Variants in SYN3 observed in about 807,000 individuals in gnomAD.
SYN3 encodes the protein synapsin III.
A neutral mutation model predicts 65.8 loss-of-function variants in SYN3; 35 were observed. The ratio of observed to expected loss-of-function variants is 0.53; its 90% CI spans 0.41 to 0.70. SYN3 has a LOEUF of 0.70. SYN3 is among the 30% of genes least tolerant of loss of function. The pLI is 0.00. For missense variants in SYN3, 680 were observed against 749.0 expected, an observed-to-expected ratio of 0.91 and a Z score of 1.08; for synonymous variants, 270 against 292.9, an observed-to-expected ratio of 0.92 and a Z score of 0.80.
At chr22:32,595,079 T>C (rs2059180294) in intron 7 of SYN3, among the ~76,000 whole-genome samples, 2 of 152,146 alleles carry the variant, frequency 1.3e-5, no homozygotes, top group Admixed American at 1.3e-4. Flanking sequence ...AGGCAAACTG[T>C]GGGAGACCCC....
chr22:32,711,948 A>C (rs955985169), intron 6 of SYN3, among the ~76,000 whole-genome samples: 2 of 152,210 alleles, frequency 1.3e-5, no homozygotes, highest in Non-Finnish European at 2.9e-5. Context: ...TCTTAACCTC[A>C]GTTTGACAAC....
At chr22:33,053,609 C>G (rs1257270875) in intron 1 of SYN3, among the ~76,000 whole-genome samples, 1 of 152,094 alleles carries the variant, frequency 6.6e-6, no homozygotes, top group Non-Finnish European at 1.5e-5. Flanking sequence ...ATGCCAGGAA[C>G]CTGGGAGGAA....
chr22:32,679,871 T>C (rs1409145746), intron 6 of SYN3, among the ~76,000 whole-genome samples: 2 of 134,118 alleles, frequency 1.5e-5, no homozygotes, highest in African/African-American at 5.7e-5. Flanking sequence ...TATTGAGTTT[T>C]AGGAATTCCT....
At chr22:32,933,855 G>C (rs1417357797) in intron 3 of SYN3, among the ~76,000 whole-genome samples, 1 of 152,146 alleles carries the variant, frequency 6.6e-6, no homozygotes, top group Non-Finnish European at 1.5e-5. Context: ...AAAGAAAAAA[G>C]TTTACATTGA....
intron 6 of SYN3, among the ~76,000 whole-genome samples, chr22:32,766,942 G>A (rs188059292): frequency 8.5e-5 from 13 of 152,318 alleles, no homozygotes; most frequent in Middle Eastern, 3.4e-3. Flanking sequence ...CTGATAGACA[G>A]TTGGGTATCC....
chr22:32,914,408 T>G lies in SYN3; in HGVS notation c.461+16982A>C, dbSNP rs1337421176. Reference sequence around the variant, plus strand: ...TGACTCAGTTTCCCCATCTGTAATATGGGGATAGTAACAGGCCCTATCATG... The same window carrying G: ...TGACTCAGTTTCCCCATCTGTAATAGGGGGATAGTAACAGGCCCTATCATG... On this transcript the variant is annotated intron_variant, in intron 4 of 13. Coordinates refer to ENST00000358763, the MANE Select transcript of SYN3 (RefSeq NM_003490.4). 4.0e-5 allele frequency among the ~76,000 whole-genome samples: 6 copies of G among 151,610 alleles called. No individual in the cohort carries two copies. The East Asian group carries it at 5.9e-4, about 15-fold the overall frequency.
At chr22:32,844,513 A>G (rs909962690) in intron 6 of SYN3, among the ~76,000 whole-genome samples, 1 of 152,220 alleles carries the variant, frequency 6.6e-6, no homozygotes, top group African/African-American at 2.4e-5. Context: ...CAAAGGAAGC[A>G]AAGACAGTTC....
At chr22:32,968,583 C>G (rs2051918895) in intron 3 of SYN3, among the ~76,000 whole-genome samples, 1 of 152,168 alleles carries the variant, frequency 6.6e-6, no homozygotes, top group South Asian at 2.1e-4. Flanking sequence ...TCCCACCAAC[C>G]CTTCTCATGC....
At chr22:33,015,845 CTT>C (rs397838349) in intron 1 of SYN3, among the ~76,000 whole-genome samples, 9 of 139,304 alleles carry the variant, frequency 6.5e-5, no homozygotes, top group Middle Eastern at 3.7e-3. Flanking sequence ...ATTTTCTTTT[CTT>C]TTTTTTTTTT....
At chr22:32,709,996 T>C (rs2147240688) in intron 6 of SYN3, among the ~76,000 whole-genome samples, 2 of 151,562 alleles carry the variant, frequency 1.3e-5, no homozygotes, top group South Asian at 4.2e-4. Flanking sequence ...ATATAAATCT[T>C]CATAACCTGG....
chr22:32,527,082 T>TTA (rs1362360702), intron 12 of SYN3, among the ~76,000 whole-genome samples: 1 of 152,216 alleles, frequency 6.6e-6, no homozygotes, highest in Admixed American at 6.5e-5. Context: ...CATTCTCTAA[T>TTA]AAGTGGTGGA....
chr22:32,592,418 G>T (rs2059140598), intron 7 of SYN3, among the ~76,000 whole-genome samples: 1 of 152,160 alleles, frequency 6.6e-6, no homozygotes, highest in South Asian at 2.1e-4. Flanking sequence ...CACTGTCTAA[G>T]CACTCCCAAA....
intron 6 of SYN3, among the ~76,000 whole-genome samples, chr22:32,722,757 TCTAGG>T (rs2061137900): frequency 6.6e-6 from 1 of 152,162 alleles, no homozygotes; most frequent in Admixed American, 6.5e-5. Flanking sequence ...AAACCCTATC[TCTAGG>T]CTAGGAAGGT....
At chr22:32,646,452 C>G (rs549272066) in intron 6 of SYN3, among the ~76,000 whole-genome samples, 3 of 152,212 alleles carry the variant, frequency 2.0e-5, no homozygotes, top group Non-Finnish European at 4.4e-5. Context: ...GGATGGAGAA[C>G]CTGACTCATA....
chr22:32,835,052 C>A (rs898420210), intron 6 of SYN3, among the ~76,000 whole-genome samples: 1 of 152,188 alleles, frequency 6.6e-6, no homozygotes, highest in African/African-American at 2.4e-5. Context: ...TTTCCATTGC[C>A]TGGACCATCC....
intron 6 of SYN3, among the ~76,000 whole-genome samples, chr22:32,817,647 T>C (rs1384666949): frequency 2.0e-5 from 3 of 152,206 alleles, no homozygotes; most frequent in Non-Finnish European, 2.9e-5. Flanking sequence ...ATTTGCCAGA[T>C]TTAAAGTTCC....
intron 7 of SYN3, among the ~76,000 whole-genome samples, chr22:32,586,754 T>C (rs1219119908): frequency 1.3e-5 from 2 of 152,084 alleles, no homozygotes; most frequent in African/African-American, 2.4e-5. Context: ...TTTTTGCAAG[T>C]AGATGAATTG....
At chr22:33,038,658 C>G (rs920915080) in intron 1 of SYN3, among the ~76,000 whole-genome samples, 4 of 152,158 alleles carry the variant, frequency 2.6e-5, no homozygotes, top group African/African-American at 9.7e-5. Context: ...GCTGCTGCAC[C>G]CTACTTTATT....
At chr22:32,947,510 A>G (rs1400720693) in intron 3 of SYN3, 1 of 152,220 alleles carries the variant, frequency 6.6e-6, no homozygotes, top group Non-Finnish European at 1.5e-5. Context: ...AGACTGTGAC[A>G]AGGAGGATGT....
Sources: allele counts gnomAD v4.1 joint callset (sites outside exome capture counted in the v4.1 genomes callset), GRCh38; gene constraint gnomAD v4.1.1; transcripts MANE v1.5; gene names NCBI Gene and HGNC (gene_info 2026-07-23, HGNC 2026-07-21).